Variants in PGM5 observed in about 807,000 individuals in gnomAD.
PGM5 encodes the protein phosphoglucomutase-like protein 5.
Under a neutral mutation model 59.2 loss-of-function variants are expected in PGM5, and 23 were observed. The observed-to-expected ratio is 0.39, with a 90% confidence interval of 0.28 to 0.55. PGM5 has a LOEUF of 0.55. Ranked by LOEUF, PGM5 falls within the 20% of genes least tolerant of loss-of-function variation. The probability of loss-of-function intolerance (pLI) is 0.66; values close to 1 mark genes in which losing one functional copy is unlikely to be tolerated. For synonymous variants in PGM5, 214 were observed against 286.0 expected (o/e 0.75, Z 2.54); for missense variants, 574 against 748.3 (o/e 0.77, Z 2.72).
intron 6 of PGM5, among the ~76,000 whole-genome samples, chr9:68,403,960 A>AC (rs1822740323): frequency 6.6e-6 from 1 of 152,188 alleles, no homozygotes; most frequent in African/African-American, 2.4e-5. Flanking sequence ...GAAAATGTTG[A>AC]CCGTAGTTCA....
At chr9:68,453,066 A>C (rs1823722036) in intron 6 of PGM5, among the ~76,000 whole-genome samples, 1 of 152,220 alleles carries the variant, frequency 6.6e-6, no homozygotes, top group African/African-American at 2.4e-5. Flanking sequence ...TGCTGAATGA[A>C]ACCACCAACT....
chr9:68,484,743 A>C (rs929043183), intron 9 of PGM5, among the ~76,000 whole-genome samples: 2 of 152,134 alleles, frequency 1.3e-5, no homozygotes, highest in African/African-American at 4.8e-5. Context: ...TGTGGTGGCC[A>C]TTATTGGTGA....
intron 6 of PGM5, among the ~76,000 whole-genome samples, chr9:68,405,560 A>T (rs1822784493): frequency 6.6e-6 from 1 of 152,304 alleles, no homozygotes; most frequent in South Asian, 2.1e-4. Flanking sequence ...TCAAGTAGCC[A>T]TCTGTCCTTC....
intron 1 of PGM5, among the ~76,000 whole-genome samples, chr9:68,364,417 G>C (rs1161785666): frequency 6.6e-6 from 1 of 152,168 alleles, no homozygotes; most frequent in African/African-American, 2.4e-5. Context: ...CTTCTTTCCT[G>C]GAATGGATCT....
intron 7 of PGM5, among the ~76,000 whole-genome samples, chr9:68,472,993 C>A (rs898382885): frequency 1.3e-5 from 2 of 152,094 alleles, no homozygotes; most frequent in Non-Finnish European, 2.9e-5. Flanking sequence ...TTTTTTTAAG[C>A]ATAGAAAGGT....
chr9:68,459,219 A>G (rs1345963122), intron 6 of PGM5, among the ~76,000 whole-genome samples: 8 of 152,220 alleles, frequency 5.3e-5, no homozygotes, highest in African/African-American at 1.7e-4. Context: ...TTGAAGTATA[A>G]TGGACATACA....
rs574100980 is a variant in PGM5, at chr9:68,422,096, TA to T, written c.1043+29634del. 8.5e-4 allele frequency among the ~76,000 whole-genome samples: 127 copies of T among 148,608 alleles called. 2 individuals are homozygous for T. Among genetic ancestry groups the T allele is most frequent in the South Asian group, 8.5e-3 (40 of 4,698 alleles). On this transcript the variant is annotated intron_variant, in intron 6 of 10. Transcript: ENST00000396396. ...TATATAAATAAATAATTTTTAAATG[TA>T]AAAAAAAAAATTTAGAAGCTATATA...
chr9:68,520,225 A>T (rs1045688365), intron 10 of PGM5, among the ~76,000 whole-genome samples: 1 of 152,058 alleles, frequency 6.6e-6, no homozygotes, highest in East Asian at 1.9e-4. Flanking sequence ...ATTATTTCAG[A>T]TAAAATAGAC....
intron 6 of PGM5, chr9:68,396,530 C>G (rs552223621): frequency 2.6e-4 from 40 of 152,360 alleles, no homozygotes; most frequent in African/African-American, 9.1e-4. Context: ...CAATAAATCT[C>G]TGTTTCAGTC....
chr9:68,438,286 C>CAA lies in PGM5; in HGVS notation c.1044-26781_1044-26780dup, dbSNP rs34047393. 4.3e-3 allele frequency among the ~76,000 whole-genome samples: 149 copies of CAA among 34,786 alleles called. 2 individuals carry two copies. The highest frequency in any genetic ancestry group is 8.0e-3 in the East Asian group (8 of 996). The allele number at this position is 34,786 out of a possible 152,430, so 22.8% of individuals were successfully genotyped here. On this transcript the variant is annotated intron_variant, in intron 6 of 10. Transcript: ENST00000396396. Reference sequence around the variant, plus strand: ...CCTGGGCGACAGAGGGAGACTCTGTCAAAAAAAAAAAAAAAAAAAAAAAAA... The same window carrying CAA: ...CCTGGGCGACAGAGGGAGACTCTGTCAAAAAAAAAAAAAAAAAAAAAAAAAAA...
chr9:68,474,686 A>C (rs1270753028), intron 7 of PGM5, among the ~76,000 whole-genome samples: 1 of 151,648 alleles, frequency 6.6e-6, no homozygotes, highest in Non-Finnish European at 1.5e-5. Flanking sequence ...TGCTCAGAGT[A>C]AGATTGCGTG....
At chr9:68,442,464 T>C (rs1043021737) in intron 6 of PGM5, among the ~76,000 whole-genome samples, 2 of 152,228 alleles carry the variant, frequency 1.3e-5, no homozygotes, top group East Asian at 1.9e-4. Flanking sequence ...GGTTTCACCA[T>C]GTTGGCCAGG....
At position 68,391,677 on chromosome 9, in the gene PGM5, A is replaced by G; in HGVS notation, c.841A>G (p.Met281Val). Residue 281 changes from methionine (M) to valine (V), a missense_variant, in exon 5 of 11, where the codon ATG becomes GTG. This residue lies in a region of PGM5 where 34 missense variants were observed against 48.1 expected (regional missense o/e 0.71). Coordinates refer to ENST00000396396, the MANE Select transcript of PGM5 (RefSeq NM_021965.4). Reference protein sequence around the residue: ...LTYATTLLEAMKGGEYGFGAA... With the variant: ...LTYATTLLEAVKGGEYGFGAA... The stretch of plus-strand genomic sequence containing the variant: ...ATATGCAACGACTCTTCTGGAAGCA[A>G]TGAAAGGAGGAGAATATGGATTTGG... 1.2e-6 allele frequency: 2 copies of G among 1,613,196 alleles called. No individual in the cohort carries two copies. Among genetic ancestry groups the G allele is most frequent in the Non-Finnish European group, 1.7e-6 (2 of 1,179,400 alleles).
intron 1 of PGM5, among the ~76,000 whole-genome samples, chr9:68,372,511 G>A (rs139561925): frequency 0.035 from 5,303 of 152,188 alleles, 112 homozygotes; most frequent in Non-Finnish European, 0.048. Context: ...GTTGGCCCCT[G>A]CTGCTGGTAG....
intron 6 of PGM5, chr9:68,399,418 C>T (rs577679523): frequency 6.6e-6 from 1 of 152,322 alleles, no homozygotes; most frequent in East Asian, 1.9e-4. Context: ...CCTGCTTCTC[C>T]AACCAGTCTC....
At chr9:68,411,425 G>GTA (rs1168083321) in intron 6 of PGM5, among the ~76,000 whole-genome samples, 7 of 134,040 alleles carry the variant, frequency 5.2e-5, no homozygotes, top group Admixed American at 3.2e-4. Context: ...ATACATGTGT[G>GTA]TATATATATA....
intron 2 of PGM5, among the ~76,000 whole-genome samples, chr9:68,380,530 C>T (rs1224652905): frequency 5.9e-5 from 9 of 151,310 alleles, no homozygotes; most frequent in African/African-American, 2.2e-4. Flanking sequence ...ACATTATGCC[C>T]CAAGGAGCTA....
At chr9:68,362,865 CTTTTTTTTTTTT>C (rs1163826772) in intron 1 of PGM5, among the ~76,000 whole-genome samples, 1 of 96,782 alleles carries the variant, frequency 1.0e-5, no homozygotes, top group South Asian at 3.7e-4. Flanking sequence ...TTTTCTTTTT[CTTTTTTTTTTTT>C]TTTTTTTTTG....
rs781862951 is a variant in PGM5 at position 68,446,736 on chromosome 9, G to A, written c.1044-18357G>A. Among the ~76,000 whole-genome samples the A allele has an allele frequency of 2.6e-5, 4 of 152,190 alleles. No individual in the cohort carries two copies. The East Asian group carries it at 5.8e-4, about 22-fold the overall frequency. On this transcript the variant is annotated intron_variant, in intron 6 of 10. Coordinates refer to ENST00000396396, the MANE Select transcript of PGM5 (RefSeq NM_021965.4). ...TTGGCTTCATGAAATGTTGACATTC[G>A]AGAGAGGAATAAAAGTGTTTATTCT... is the stretch of plus-strand genomic sequence containing the variant.
Sources: allele counts gnomAD v4.1 joint callset (sites outside exome capture counted in the v4.1 genomes callset), GRCh38; gene constraint gnomAD v4.1.1; regional missense constraint gnomAD v4.1.1; transcripts MANE v1.5; gene names NCBI Gene and HGNC (gene_info 2026-07-23, HGNC 2026-07-21).